The following CCDC7 variants were observed in gnomAD, a reference collection of about 807,000 sequenced individuals.
CCDC7 encodes coiled-coil domain containing 7, also known as coiled-coil domain-containing protein 7.
Under a neutral mutation model 196.9 loss-of-function variants are expected in CCDC7, and 183 were observed. That is an observed-to-expected ratio of 0.93 (90% CI 0.82 to 1.05). The LOEUF is 1.05. CCDC7 is among the 50% of genes least tolerant of loss of function. The pLI, the probability that CCDC7 is intolerant of heterozygous loss-of-function variation, is 0.00. For synonymous variants in CCDC7, 525 were observed against 484.6 expected, an observed-to-expected ratio of 1.08 and a Z score of -1.10; for missense variants, 1,540 against 1,482.2, an observed-to-expected ratio of 1.04 and a Z score of -0.64.
intron 31 of CCDC7, among the ~76,000 whole-genome samples, chr10:32,816,051 G>A (rs1022818238): frequency 4.6e-5 from 7 of 152,042 alleles, no homozygotes; most frequent in East Asian, 1.9e-4. Flanking sequence ...CACCTCACCC[G>A]GGAAGTGCAA....
At chr10:32,575,352 CTAGTGACCCAAA>C (rs1413898900) in intron 16 of CCDC7, among the ~76,000 whole-genome samples, 1 of 152,132 alleles carries the variant, frequency 6.6e-6, no homozygotes, top group African/African-American at 2.4e-5. Context: ...GGGCATATTA[CTAGTGACCCAAA>C]TAGTACGCAT....
exon 6 of CCDC7, chr10:32,471,229 A>G (rs755963864): frequency 1.2e-6 from 2 of 1,604,178 alleles, no homozygotes; most frequent in East Asian, 2.2e-5. Flanking sequence ...GTCTAAAACT[A>G]TGTAAGTGAA....
At chr10:32,828,413 AAGG>A (rs1208597749) in intron 32 of CCDC7, among the ~76,000 whole-genome samples, 3 of 135,514 alleles carry the variant, frequency 2.2e-5, no homozygotes, top group Admixed American at 7.6e-5. Flanking sequence ...GGAGAAGGAG[AAGG>A]AGAAGAAGAA....
chr10:32,732,739 C>A (rs1313596590), intron 28 of CCDC7, among the ~76,000 whole-genome samples: 2 of 152,040 alleles, frequency 1.3e-5, no homozygotes, highest in African/African-American at 4.8e-5. Flanking sequence ...TTCTCATATA[C>A]CACCTTCCCC....
intron 6 of CCDC7, 118 bp from the exon 8 acceptor site, chr10:32,472,363 T>A: frequency 2.1e-6 from 2 of 932,198 alleles, no homozygotes; most frequent in Non-Finnish European, 2.9e-6. Context: ...AAAGATATGT[T>A]TAATTTTTAT....
rs1485943894 is a variant in CCDC7, at chr10:32,636,339, A to G, written c.2014+1181A>G. Among the ~76,000 whole-genome samples, 4 of 152,088 alleles carry G rather than the reference A, an allele frequency of 2.6e-5. No homozygotes were observed. The East Asian group carries it at 5.8e-4, about 22-fold the overall frequency. ...TGTGTGCTGCACCCATTAACTCCTCATTTAACATTAGGTATATTTGCTAAT... is the reference window on the plus strand; with the variant it reads ...TGTGTGCTGCACCCATTAACTCCTCGTTTAACATTAGGTATATTTGCTAAT... On this transcript the variant is annotated intron_variant, in intron 20 of 41. Coordinates refer to ENST00000639629, the Ensembl canonical transcript of CCDC7.
At chr10:32,483,093 G>A (rs1250831709) in intron 8 of CCDC7, among the ~76,000 whole-genome samples, 1 of 152,176 alleles carries the variant, frequency 6.6e-6, no homozygotes, top group Non-Finnish European at 1.5e-5. Flanking sequence ...CACAATGGTT[G>A]AACTAGTTTA....
intron 21 of CCDC7, among the ~76,000 whole-genome samples, chr10:32,684,475 G>A (rs1416700456): frequency 6.6e-6 from 1 of 152,132 alleles, no homozygotes; most frequent in African/African-American, 2.4e-5. Flanking sequence ...TTTCCCCATG[G>A]TGGGGAGCCT....
At chr10:32,527,940 G>A (rs965110069) in intron 11 of CCDC7, among the ~76,000 whole-genome samples, 35 of 152,024 alleles carry the variant, frequency 2.3e-4, no homozygotes, top group Non-Finnish European at 4.6e-4. Context: ...AGACTGCATA[G>A]TGGTGAAGTC....
intron 18 of CCDC7, among the ~76,000 whole-genome samples, chr10:32,599,984 C>T (rs1444954872): frequency 1.3e-5 from 2 of 152,114 alleles, no homozygotes; most frequent in Non-Finnish European, 2.9e-5. Flanking sequence ...TTACTGAGCT[C>T]TCTTTTCTGT....
chr10:32,451,883 G>C lies in CCDC7; in HGVS notation c.241G>C (p.Asp81His), dbSNP rs1008455494. 5 of 1,611,980 alleles carry C rather than the reference G, an allele frequency of 3.1e-6. No individual in the cohort carries two copies. The highest frequency in any genetic ancestry group is 3.4e-5 in the Admixed American group (2 of 59,558). The change falls in exon 1 of 42, where the codon GAT becomes CAT. Residue 81 changes from aspartate (D) to histidine (H), a missense_variant. Asp to His is a moderately conservative substitution (Grantham distance 81). Transcript: ENST00000639629. ...TAAGACAAAGAACTTACTACCAGAA[G>C]ATGAAATGATCGGAAAAATTATCAA...
intron 29 of CCDC7, among the ~76,000 whole-genome samples, chr10:32,799,239 TG>T (rs2084272314): frequency 6.6e-6 from 1 of 152,190 alleles, no homozygotes; most frequent in South Asian, 2.1e-4. Flanking sequence ...AATGATTATC[TG>T]CAGAAGACGG....
At chr10:32,537,774 G>A (rs2050763363) in intron 11 of CCDC7, among the ~76,000 whole-genome samples, 1 of 152,034 alleles carries the variant, frequency 6.6e-6, no homozygotes. Flanking sequence ...GCTTGTTTTT[G>A]TCAGGTTTAT....
At chr10:32,661,299 A>G (rs868456548) in intron 20 of CCDC7, among the ~76,000 whole-genome samples, 221 of 150,406 alleles carry the variant, frequency 1.5e-3, no homozygotes, top group Middle Eastern at 0.014. Flanking sequence ...TTAGAATGGC[A>G]ATCATTAAAA....
At chr10:32,750,921 A>T (rs2075557905) in intron 28 of CCDC7, among the ~76,000 whole-genome samples, 1 of 152,196 alleles carries the variant, frequency 6.6e-6, no homozygotes, top group African/African-American at 2.4e-5. Context: ...AACCTACAAC[A>T]TTCATTGTTC....
chr10:32,814,577 G>T, intron 31 of CCDC7, 124 bp downstream of exon 32: 1 of 635,168 alleles, frequency 1.6e-6, no homozygotes, highest in Non-Finnish European at 2.7e-6. Flanking sequence ...AAGTCTTTAT[G>T]AATTCCCCTC....
At chr10:32,697,392 C>A (rs1314057635) in intron 24 of CCDC7, among the ~76,000 whole-genome samples, 1 of 152,168 alleles carries the variant, frequency 6.6e-6, no homozygotes, top group Non-Finnish European at 1.5e-5. Flanking sequence ...ACCCAGGAAG[C>A]ACTAGGGGTC....
At chr10:32,542,633 C>CAAA (rs11375465) in intron 11 of CCDC7, among the ~76,000 whole-genome samples, 16,426 of 87,566 alleles carry the variant, frequency 0.19, 1,951 homozygotes, top group East Asian at 0.3. Flanking sequence ...ACTCCCATCT[C>CAAA]AAAAAAAAAA....
intron 24 of CCDC7, among the ~76,000 whole-genome samples, chr10:32,696,138 G>A (rs1261906637): frequency 1.3e-5 from 2 of 152,096 alleles, no homozygotes; most frequent in South Asian, 2.1e-4. Context: ...GGGACTGGGG[G>A]TGAATACAGT....
Sources: allele counts gnomAD v4.1 joint callset (sites outside exome capture counted in the v4.1 genomes callset), GRCh38; gene constraint gnomAD v4.1.1; transcripts MANE v1.5; gene names NCBI Gene and HGNC (gene_info 2026-07-23, HGNC 2026-07-21).